Variants in FBN2 observed in about 807,000 individuals in gnomAD.
FBN2 encodes fibrillin-2.
FBN2 carries 105 observed loss-of-function variants against 355.6 expected under a neutral mutation model. The ratio of observed to expected loss-of-function variants is 0.30; its 90% CI spans 0.25 to 0.35. The LOEUF is 0.35. Ranked by LOEUF, FBN2 falls within the 10% of genes least tolerant of loss-of-function variation. The pLI is 1.00. For missense variants in FBN2, 3,280 were observed against 3,758.7 expected, an observed-to-expected ratio of 0.87 and a Z score of 3.33; for synonymous variants, 1,350 against 1,301.2, an observed-to-expected ratio of 1.04 and a Z score of -0.81.
At chr5:128,270,868 A>T (rs1248150806) in intron 62 of FBN2, among the ~76,000 whole-genome samples, 1 of 152,230 alleles carries the variant, frequency 6.6e-6, no homozygotes, top group Non-Finnish European at 1.5e-5. Flanking sequence ...AAGAGGAAAA[A>T]AAAGTGAATT....
At chr5:128,348,262 T>C (rs1581233169) in intron 23 of FBN2, among the ~76,000 whole-genome samples, 2 of 152,298 alleles carry the variant, frequency 1.3e-5, no homozygotes, top group East Asian at 1.9e-4. Flanking sequence ...TTCGATAGTT[T>C]TGGGGGAATA....
chr5:128,493,975 T>C (rs909397417), intron 5 of FBN2, among the ~76,000 whole-genome samples: 2 of 151,082 alleles, frequency 1.3e-5, no homozygotes, highest in Non-Finnish European at 2.9e-5. Context: ...GCAGGTTCAA[T>C]GTAAGACATG....
intron 55 of FBN2, among the ~76,000 whole-genome samples, chr5:128,282,145 C>A (rs573732104): frequency 8.6e-5 from 13 of 152,006 alleles, no homozygotes; most frequent in African/African-American, 3.1e-4. Context: ...TTTTTTAAAC[C>A]AGTGTTACTG....
At chr5:128,357,222 C>A (rs1751523235) in intron 20 of FBN2, 54 bp downstream of exon 20, 3 of 1,608,448 alleles carry the variant, frequency 1.9e-6, no homozygotes, top group Non-Finnish European at 2.6e-6. Context: ...GGCCTGAGAT[C>A]TGTGCTTATC....
intron 6 of FBN2, among the ~76,000 whole-genome samples, chr5:128,447,616 T>C (rs1336350191): frequency 6.6e-6 from 1 of 152,238 alleles, no homozygotes; most frequent in African/African-American, 2.4e-5. Flanking sequence ...GGCCCGGTCC[T>C]GCGATCTTGC....
chr5:128,503,627 T>C (rs556020765), intron 5 of FBN2, among the ~76,000 whole-genome samples: 38 of 152,286 alleles, frequency 2.5e-4, no homozygotes, highest in African/African-American at 8.9e-4. Flanking sequence ...TCTGTGGAAC[T>C]TCGAGCTTGA....
intron 45 of FBN2, among the ~76,000 whole-genome samples, chr5:128,304,538 A>T (rs774973357): frequency 6.4e-4 from 97 of 152,366 alleles, no homozygotes; most frequent in Admixed American, 1.1e-3. Flanking sequence ...ATATGTGTAT[A>T]AATTTATTAA....
intron 33 of FBN2, among the ~76,000 whole-genome samples, chr5:128,330,227 G>A (rs1262055314): frequency 6.6e-6 from 1 of 152,154 alleles, no homozygotes; most frequent in East Asian, 1.9e-4. Context: ...TACAGTTACA[G>A]GCAAAAAATG....
Position 128,311,874 on chromosome 5 carries a change from G to A in FBN2, c.4948+11C>T, listed in dbSNP as rs1280020203. 1 of 1,593,744 alleles carries A rather than the reference G, an allele frequency of 6.3e-7. No individual in the cohort carries two copies. Among genetic ancestry groups the A allele is most frequent in the Admixed American group, 1.7e-5 (1 of 59,974 alleles). ...CTTGTTTGAATCTGGGTGACAATGG[G>A]ATTAGCTCACCTTCTAAAATGATTG... On this transcript the variant is annotated intron_variant, in intron 38 of 64. Coordinates refer to ENST00000262464, the MANE Select transcript of FBN2 (RefSeq NM_001999.4).
At chr5:128,304,802 T>C (rs7719884) in intron 45 of FBN2, among the ~76,000 whole-genome samples, 155 bp downstream of exon 45, 8 of 152,310 alleles carry the variant, frequency 5.3e-5, no homozygotes, top group East Asian at 1.9e-4. Flanking sequence ...GCAAATTTTA[T>C]ATTGAATCAA....
At chr5:128,457,982 T>C (rs1407091826) in intron 6 of FBN2, among the ~76,000 whole-genome samples, 2 of 152,064 alleles carry the variant, frequency 1.3e-5, no homozygotes, top group East Asian at 3.9e-4. Flanking sequence ...TAAATGTAAA[T>C]GGGCTAAATG....
chr5:128,419,634 T>C (rs903386883), intron 7 of FBN2, among the ~76,000 whole-genome samples: 3 of 152,182 alleles, frequency 2.0e-5, no homozygotes, highest in Non-Finnish European at 4.4e-5. Flanking sequence ...CATCAATTAA[T>C]TTTCAGATGA....
intron 5 of FBN2, among the ~76,000 whole-genome samples, chr5:128,509,945 G>A (rs1266584076): frequency 1.3e-5 from 2 of 152,132 alleles, no homozygotes; most frequent in African/African-American, 4.8e-5. Flanking sequence ...CTTTCAAGCA[G>A]TTCCTTCTCC....
chr5:128,300,601 C>A (rs1382150429), intron 48 of FBN2, among the ~76,000 whole-genome samples: 2 of 152,200 alleles, frequency 1.3e-5, no homozygotes, highest in Non-Finnish European at 2.9e-5. Flanking sequence ...CTTTGACTAG[C>A]ATTAGATTTC....
At chr5:128,468,318 C>T (rs934986007) in intron 5 of FBN2, among the ~76,000 whole-genome samples, 15 of 152,270 alleles carry the variant, frequency 9.9e-5, no homozygotes, top group African/African-American at 3.4e-4. Flanking sequence ...GGCTGTACTA[C>T]ATCTGTTAAC....
chr5:128,408,461 A>C lies in FBN2; in HGVS notation c.1078+213T>G, dbSNP rs538422947. Among the ~76,000 whole-genome samples the C allele has an allele frequency of 2.0e-5, 3 of 152,322 alleles. No homozygotes were observed. In the South Asian group the frequency reaches 6.2e-4, roughly 32 times the overall value. ...TTTCTTTATTCCCAAAATGACTTTG[A>C]CAACATAAAACAAACCCAGTTGGAT... On this transcript the variant is annotated intron_variant, in intron 8 of 64. Transcript: ENST00000262464.
chr5:128,308,220 C>G (rs1486315283), intron 41 of FBN2, among the ~76,000 whole-genome samples: 1 of 152,090 alleles, frequency 6.6e-6, no homozygotes. Flanking sequence ...AACTCCAAGC[C>G]TTTCGCTTCT....
chr5:128,411,803 C>T (rs1753075686), intron 7 of FBN2, among the ~76,000 whole-genome samples: 1 of 152,204 alleles, frequency 6.6e-6, no homozygotes, highest in African/African-American at 2.4e-5. Context: ...CCTAGTATTT[C>T]CCTGCCTCCT....
chr5:128,501,482 A>C (rs1350321251), intron 5 of FBN2, among the ~76,000 whole-genome samples: 2 of 152,238 alleles, frequency 1.3e-5, no homozygotes, highest in Non-Finnish European at 2.9e-5. Context: ...AGCAGAAGAC[A>C]GAAAGAAATG....
Sources: gnomAD v4.1 joint callset for allele counts (sites outside exome capture counted in the v4.1 genomes callset) on GRCh38, gnomAD v4.1.1 for gene constraint, MANE v1.5 for transcripts, NCBI Gene and HGNC (gene_info 2026-07-23, HGNC 2026-07-21) for gene names.